The following WNT2 variants were observed in gnomAD, a reference collection of about 807,000 sequenced individuals.
The protein encoded by WNT2 is Wnt family member 2.
Under a neutral mutation model 36.9 loss-of-function variants are expected in WNT2, and 12 were observed. The observed-to-expected ratio is 0.33, with a 90% confidence interval of 0.21 to 0.53. The LOEUF is 0.53. Among genes scored for constraint, WNT2 ranks in the 20% least tolerant of loss-of-function variants. The pLI is 0.95. For synonymous variants in WNT2, 163 were observed against 174.6 expected, an observed-to-expected ratio of 0.93 and a Z score of 0.52; for missense variants, 379 against 473.1, an observed-to-expected ratio of 0.80 and a Z score of 1.84.
intron 4 of WNT2, among the ~76,000 whole-genome samples, chr7:117,290,037 G>A (rs531304209): frequency 6.6e-6 from 1 of 152,256 alleles, no homozygotes; most frequent in Admixed American, 6.5e-5. Context: ...AGTTTCAGGG[G>A]ACAGGGCAAA....
intron 3 of WNT2, among the ~76,000 whole-genome samples, chr7:117,306,175 ATTC>A (rs1404293024): frequency 6.6e-6 from 1 of 151,992 alleles, no homozygotes; most frequent in Non-Finnish European, 1.5e-5. Context: ...TTCTTTTACT[ATTC>A]TTCTTATTGT....
At position 117,322,789 on chromosome 7, in the gene WNT2, G is replaced by C. The variant is rs1293028101; in HGVS notation, c.83+118C>G. 3.1e-6 allele frequency: 3 copies of C among 982,132 alleles called. No homozygotes were observed. Among genetic ancestry groups the C allele is most frequent in the Non-Finnish European group, 4.8e-6 (3 of 630,772 alleles). 60.8% of individuals were successfully genotyped at this position (982,132 alleles called of 1,614,324 possible). Reference sequence around the variant, plus strand: ...GATAAGAGGGCAGTAGCCAGGGTTCGGGCCAGAATCCGAGACTGCTGCGGC... The same window carrying C: ...GATAAGAGGGCAGTAGCCAGGGTTCCGGCCAGAATCCGAGACTGCTGCGGC... On this transcript the variant is annotated intron_variant, in intron 1 of 4. Transcript: ENST00000265441. This position sits in a 1 kb window ranked among gnomAD's most constrained non-coding sequence, Gnocchi z 5.4.
chr7:117,281,510 G>A (rs1794488720), intron 4 of WNT2, among the ~76,000 whole-genome samples: 1 of 152,146 alleles, frequency 6.6e-6, no homozygotes, highest in Non-Finnish European at 1.5e-5. Flanking sequence ...AAAGTGCTGG[G>A]ATTACAGGCG....
intron 4 of WNT2, among the ~76,000 whole-genome samples, chr7:117,281,530 C>T (rs760764837): frequency 4.6e-5 from 7 of 152,094 alleles, no homozygotes; most frequent in Admixed American, 2.6e-4. Flanking sequence ...GTGACTCACA[C>T]GCCTGGCCTA....
chr7:117,322,685 T>C lies in WNT2; in HGVS notation c.83+222A>G, dbSNP rs1401948075. 1.3e-5 allele frequency among the ~76,000 whole-genome samples: 2 copies of C among 151,666 alleles called. No individual in the cohort carries two copies. The highest frequency in any genetic ancestry group is 3.9e-4 in the East Asian group (2 of 5,122). ...ATAAACCAAACATCGGAGCTCTCAT[T>C]TGAGGGGGAATGTGGTTTTATGGAG... On this transcript the variant is annotated intron_variant, in intron 1 of 4. Transcript: ENST00000265441. The surrounding 1 kb of genome is among the most constrained non-coding windows in gnomAD (Gnocchi z 5.4).
intron 3 of WNT2, among the ~76,000 whole-genome samples, chr7:117,312,833 G>T (rs1477682741): frequency 6.6e-6 from 1 of 152,132 alleles, no homozygotes; most frequent in Non-Finnish European, 1.5e-5. Flanking sequence ...TCAAATATTG[G>T]GGAAAAATTA....
chr7:117,301,540 C>T (rs1794905763), intron 3 of WNT2, among the ~76,000 whole-genome samples: 1 of 152,174 alleles, frequency 6.6e-6, no homozygotes, highest in Non-Finnish European at 1.5e-5. Flanking sequence ...AGGCTCCACA[C>T]CAGGTGGTTT....
chr7:117,281,347 C>T (rs775320262), intron 4 of WNT2, among the ~76,000 whole-genome samples: 3 of 152,112 alleles, frequency 2.0e-5, no homozygotes, highest in Non-Finnish European at 2.9e-5. Context: ...AAGGAATTCT[C>T]CCATCTCAGC....
At chr7:117,309,565 T>G (rs1795082778) in intron 3 of WNT2, among the ~76,000 whole-genome samples, 1 of 152,240 alleles carries the variant, frequency 6.6e-6, no homozygotes. Context: ...TCTCCTCATA[T>G]GCAAACTGTA....
chr7:117,307,346 T>C (rs895874919), intron 3 of WNT2, among the ~76,000 whole-genome samples: 2 of 152,300 alleles, frequency 1.3e-5, no homozygotes, highest in East Asian at 1.9e-4. Context: ...TCCCATTTTA[T>C]AGATAAGAAT....
In WNT2 at chr7:117,322,571, A is replaced by ACACACACG. The variant is rs1187434343; in HGVS notation, c.83+335_83+336insCGTGTGTG. 6.6e-6 allele frequency among the ~76,000 whole-genome samples: 1 copy of ACACACACG among 151,512 alleles called. No individual in the cohort carries two copies. The highest frequency in any genetic ancestry group is 1.5e-5 in the Non-Finnish European group (1 of 67,884). ...CACACACACACACACACACACACAC[A>ACACACACG]CGTCTGTGCTAGAGCTGGAGACCAG... On this transcript the variant is annotated intron_variant, in intron 1 of 4. Coordinates refer to ENST00000265441, the MANE Select transcript of WNT2 (RefSeq NM_003391.3). This position sits in a 1 kb window ranked among gnomAD's most constrained non-coding sequence, Gnocchi z 5.4.
intron 3 of WNT2, among the ~76,000 whole-genome samples, chr7:117,313,315 T>C (rs189216113): frequency 5.7e-4 from 87 of 152,334 alleles, no homozygotes; most frequent in South Asian, 1.7e-3. Context: ...CCACCCACCA[T>C]TAATTAAAGC....
chr7:117,276,255 G>A lies in WNT2; in HGVS notation c.*1900C>T, dbSNP rs1340813600. Among the ~76,000 whole-genome samples the A allele has an allele frequency of 1.3e-5, 2 of 152,222 alleles. No individual in the cohort carries two copies. Among genetic ancestry groups the A allele is most frequent in the Non-Finnish European group, 2.9e-5 (2 of 68,040 alleles). On this transcript the variant is annotated 3_prime_UTR_variant, in exon 5 of 5. Transcript: ENST00000265441. Reference sequence around the variant, plus strand: ...GATGATTTCACAGTTCATCCAGCAGGAGGAAGGGCTGATGGCTGTGGGACC... The same window carrying A: ...GATGATTTCACAGTTCATCCAGCAGAAGGAAGGGCTGATGGCTGTGGGACC...
chr7:117,308,279 A>C (rs1287529730), intron 3 of WNT2, among the ~76,000 whole-genome samples: 2 of 152,252 alleles, frequency 1.3e-5, no homozygotes, highest in Non-Finnish European at 2.9e-5. Flanking sequence ...TTCTTTAAAA[A>C]CAGTGACTGT....
chr7:117,294,455 T>C (rs1416133640), intron 4 of WNT2, among the ~76,000 whole-genome samples: 1 of 152,068 alleles, frequency 6.6e-6, no homozygotes, highest in Non-Finnish European at 1.5e-5. Context: ...AAAAGAAATA[T>C]TGCAAGGTTT....
At position 117,297,632 on chromosome 7, in the gene WNT2, C is replaced by T. The variant is rs1156514324; in HGVS notation, c.833G>A (p.Cys278Tyr). The change falls in exon 4 of 5, where the codon TGT (cysteine) becomes TAT (tyrosine). Residue 278 changes from cysteine to tyrosine, a missense_variant. Cys to Tyr is a radical substitution (Grantham distance 194, BLOSUM62 -2). Transcript: ENST00000265441. ...LVYFENSPDY[C>Y]IRDREAGSLG... ...CTTACCTGCCTCTCGGTCCCTGATA[C>T]AGTAGTCTGGAGAATTCTCAAAATA... is the stretch of plus-strand genomic sequence containing the variant. 1 of 1,612,860 alleles carries T rather than the reference C, an allele frequency of 6.2e-7. No homozygotes were observed. Among genetic ancestry groups the T allele is most frequent in the Admixed American group, 1.7e-5 (1 of 60,006 alleles).
chr7:117,321,656 C>T (rs991274116), intron 1 of WNT2, among the ~76,000 whole-genome samples: 1 of 152,120 alleles, frequency 6.6e-6, no homozygotes, highest in South Asian at 2.1e-4. Flanking sequence ...TTTATATGAT[C>T]ATAAAATCGT....
intron 3 of WNT2, among the ~76,000 whole-genome samples, chr7:117,309,239 A>G (rs1419437627): frequency 1.3e-5 from 2 of 152,102 alleles, no homozygotes; most frequent in African/African-American, 2.4e-5. Flanking sequence ...TTGCTTGTAA[A>G]GTTTTACTTA....
chr7:117,297,951 G>A (rs911957830), intron 3 of WNT2, 75 bp from the exon 4 acceptor site: 40 of 1,516,304 alleles, frequency 2.6e-5, no homozygotes, highest in Non-Finnish European at 3.5e-5. Flanking sequence ...TTACCTCCCA[G>A]CAATCCAGAA....
Sources: allele counts gnomAD v4.1 joint callset (sites outside exome capture counted in the v4.1 genomes callset), GRCh38; gene constraint gnomAD v4.1.1; non-coding constraint Gnocchi (gnomAD v3.1); transcripts MANE v1.5; gene names NCBI Gene and HGNC (gene_info 2026-07-23, HGNC 2026-07-21).